Variants in RYR2 observed in about 807,000 individuals in gnomAD.
RYR2 encodes the protein ryanodine receptor 2.
Under a neutral mutation model 601.1 loss-of-function variants are expected in RYR2, and 227 were observed. The observed-to-expected ratio is 0.38, with a 90% CI of 0.34 to 0.42. The LOEUF (loss-of-function observed/expected upper bound fraction) is 0.42, where lower values mean the gene tolerates loss of function less well. RYR2 is among the 10% of genes least tolerant of loss of function. The probability of loss-of-function intolerance (pLI) is 1.00; values close to 1 mark genes in which losing one functional copy is unlikely to be tolerated. For synonymous variants in RYR2, 2,223 were observed against 2,175.1 expected (o/e 1.02, Z -0.61); for missense variants, 4,646 against 6,156.5 (o/e 0.75, Z 8.21).
chr1:237,804,085 C>T (rs1464941126), intron 98 of RYR2, among the ~76,000 whole-genome samples: 1 of 152,114 alleles, frequency 6.6e-6, no homozygotes, highest in Non-Finnish European at 1.5e-5. Context: ...CGTTGACCAG[C>T]ACTTAGTAGG....
intron 1 of RYR2, among the ~76,000 whole-genome samples, chr1:237,217,248 G>T (rs919677548): frequency 6.6e-6 from 1 of 152,040 alleles, no homozygotes; most frequent in African/African-American, 2.4e-5. Flanking sequence ...ACCTTTCCCT[G>T]CTCGATGACT....
intron 27 of RYR2, among the ~76,000 whole-genome samples, chr1:237,558,944 T>C (rs530074077): frequency 2.6e-5 from 4 of 152,240 alleles, no homozygotes; most frequent in South Asian, 2.1e-4. Context: ...TATTCTTTTT[T>C]ATAATTTACC....
At chr1:237,428,602 G>A (rs1706453781) in intron 12 of RYR2, among the ~76,000 whole-genome samples, 1 of 149,216 alleles carries the variant, frequency 6.7e-6, no homozygotes, top group Admixed American at 6.7e-5. Context: ...TCTCGGTGGG[G>A]CGGGGGTGCA....
Position 237,324,479 on chromosome 1 carries a change from A to G in RYR2, c.169-6399A>G, listed in dbSNP as rs1002309781. Among the ~76,000 whole-genome samples, 3 of 152,170 alleles carry G rather than the reference A, an allele frequency of 2.0e-5. No homozygotes were observed. In the East Asian group the frequency reaches 5.8e-4, roughly 29 times the overall value. Reference sequence around the variant, plus strand: ...CAGACCATCTGCTCTGTTTTAAAGTATACTGTTTTCACATCTCTTGGTGGA... The same window carrying G: ...CAGACCATCTGCTCTGTTTTAAAGTGTACTGTTTTCACATCTCTTGGTGGA... On this transcript the variant is annotated intron_variant, in intron 2 of 104. Coordinates refer to ENST00000366574, the MANE Select transcript of RYR2 (RefSeq NM_001035.3).
chr1:237,174,079 T>C (rs933442227), intron 1 of RYR2, among the ~76,000 whole-genome samples: 19 of 151,814 alleles, frequency 1.3e-4, no homozygotes, highest in Non-Finnish European at 1.5e-5. Flanking sequence ...AAAAAGAGTA[T>C]TGGTGTCATT....
chr1:237,367,436 C>G lies in RYR2; in HGVS notation c.310-2098C>G, dbSNP rs144051606. ...TCAGCAGTTTTTCTTATTTTAATAC[C>G]TTTTAATATCTGTTTTTAGAATAGT... On this transcript the variant is annotated intron_variant, in intron 5 of 104. Transcript: ENST00000366574. Among the ~76,000 whole-genome samples the G allele has an allele frequency of 4.5e-3, 686 of 152,160 alleles. 7 individuals are homozygous for G. Among genetic ancestry groups the G allele is most frequent in the African/African-American group, 0.016 (656 of 41,514 alleles).
At position 237,095,123 on chromosome 1, in the gene RYR2, T is replaced by G. The variant is rs1346129515; in HGVS notation, c.48+52554T>G. On this transcript the variant is annotated intron_variant, in intron 1 of 104. Transcript: ENST00000366574. ...GTTGAAAATAAGACCATACATATGG[T>G]GAGCCTTTTCTCCCTTCAGTATTTT... 3.3e-5 allele frequency among the ~76,000 whole-genome samples: 5 copies of G among 152,342 alleles called. No individual in the cohort carries two copies. The East Asian group carries it at 7.7e-4, about 24-fold the overall frequency.
At chr1:237,827,987 G>A (rs897959734) in intron 101 of RYR2, among the ~76,000 whole-genome samples, 6 of 140,900 alleles carry the variant, frequency 4.3e-5, no homozygotes, top group Admixed American at 2.9e-4. Context: ...AGATTTCTTC[G>A]TTTAAGTGGT....
At chr1:237,296,409 A>G (rs1418343988) in intron 2 of RYR2, among the ~76,000 whole-genome samples, 1 of 152,220 alleles carries the variant, frequency 6.6e-6, no homozygotes, top group African/African-American at 2.4e-5. Context: ...GTAACTCAAT[A>G]GGGATGGTAG....
At chr1:237,367,888 C>T (rs1178011041) in intron 5 of RYR2, among the ~76,000 whole-genome samples, 4 of 152,174 alleles carry the variant, frequency 2.6e-5, no homozygotes, top group African/African-American at 9.7e-5. Context: ...TTACTGAGTA[C>T]TTACCATGGC....
chr1:237,665,331 A>G (rs1020934902), intron 56 of RYR2, among the ~76,000 whole-genome samples: 4 of 149,482 alleles, frequency 2.7e-5, no homozygotes, highest in Non-Finnish European at 4.4e-5. Flanking sequence ...CCTGGGAGGC[A>G]GAGGTTGCAG....
rs200563683 is a variant in RYR2 at position 237,269,042 on chromosome 1, C to CTTTTTTTT, written c.49-1447_49-1440dup. Among the ~76,000 whole-genome samples, 303 of 113,172 alleles carry CTTTTTTTT rather than the reference C, an allele frequency of 2.7e-3. 14 individuals carry two copies. Among genetic ancestry groups the CTTTTTTTT allele is most frequent in the Non-Finnish European group, 4.1e-3 (240 of 58,254 alleles). 74.2% of individuals were successfully genotyped at this position (113,172 alleles called of 152,430 possible). On this transcript the variant is annotated intron_variant, in intron 1 of 104. Coordinates refer to ENST00000366574, the MANE Select transcript of RYR2 (RefSeq NM_001035.3). The stretch of plus-strand genomic sequence containing the variant: ...ACCTTTCCAATTTATATAGCATATT[C>CTTTTTTTT]TTTTTTTTTTTTTTTGTGAGACAGA...
intron 2 of RYR2, among the ~76,000 whole-genome samples, chr1:237,318,308 A>G (rs1695304023): frequency 6.6e-6 from 1 of 152,090 alleles, no homozygotes; most frequent in Admixed American, 6.6e-5. Flanking sequence ...CATCATACAT[A>G]TATGTTCCAA....
At chr1:237,541,711 G>C (rs1271107733) in intron 25 of RYR2, among the ~76,000 whole-genome samples, 2 of 152,102 alleles carry the variant, frequency 1.3e-5, no homozygotes, top group African/African-American at 2.4e-5. Flanking sequence ...CATTTTATAG[G>C]ATTTGGGTAG....
At chr1:237,542,285 G>T (rs1198330465) in intron 25 of RYR2, among the ~76,000 whole-genome samples, 6 of 151,870 alleles carry the variant, frequency 4.0e-5, no homozygotes, top group African/African-American at 1.5e-4. Flanking sequence ...TAGAGATGGG[G>T]TTTCTCCATG....
rs537696350 is a variant in RYR2 at position 237,494,762 on chromosome 1, A to C, written c.1961+1675A>C. The stretch of plus-strand genomic sequence containing the variant: ...CTGATAACTTCCTCCTGTTTTAAAC[A>C]GAAATGTGGGGTTTGTTGTGTATTT... On this transcript the variant is annotated intron_variant, in intron 19 of 104. Coordinates refer to ENST00000366574, the MANE Select transcript of RYR2 (RefSeq NM_001035.3). Among the ~76,000 whole-genome samples, 13 of 152,288 alleles carry C rather than the reference A, an allele frequency of 8.5e-5. No individual in the cohort carries two copies. In the South Asian group the frequency reaches 2.7e-3, roughly 32 times the overall value.
At chr1:237,405,609 TG>T (rs545121239) in intron 10 of RYR2, among the ~76,000 whole-genome samples, 126 of 152,276 alleles carry the variant, frequency 8.3e-4, no homozygotes, top group Non-Finnish European at 1.4e-3. Flanking sequence ...GCCCATAACT[TG>T]GTTATGTATA....
At chr1:237,172,341 T>C (rs965580773) in intron 1 of RYR2, among the ~76,000 whole-genome samples, 1 of 152,194 alleles carries the variant, frequency 6.6e-6, no homozygotes, top group African/African-American at 2.4e-5. Context: ...GGGAACAGTG[T>C]GCAAACTGGG....
At chr1:237,226,905 G>A (rs1367341954) in intron 1 of RYR2, among the ~76,000 whole-genome samples, 1 of 151,994 alleles carries the variant, frequency 6.6e-6, no homozygotes, top group Non-Finnish European at 1.5e-5. Context: ...AGCAGCTGGG[G>A]TTACAGGTGT....
Sources: gnomAD v4.1 joint callset for allele counts (sites outside exome capture counted in the v4.1 genomes callset) on GRCh38, gnomAD v4.1.1 for gene constraint, MANE v1.5 for transcripts, NCBI Gene and HGNC (gene_info 2026-07-23, HGNC 2026-07-21) for gene names.